The following FIGN variants were observed in gnomAD, a reference collection of about 807,000 sequenced individuals.
FIGN encodes fidgetin, microtubule severing factor, also known as fidgetin.
A neutral mutation model predicts 51.3 loss-of-function variants in FIGN; 11 were observed. The observed-to-expected ratio is 0.21, with a 90% CI of 0.13 to 0.35. The LOEUF is 0.35. FIGN is among the 10% of genes least tolerant of loss of function. The probability of loss-of-function intolerance (pLI) is 1.00; values close to 1 mark genes in which losing one functional copy is unlikely to be tolerated. For synonymous variants in FIGN, 407 were observed against 363.2 expected (o/e 1.12, Z -1.37); for missense variants, 857 against 943.6 (o/e 0.91, Z 1.20).
rs374252654 is a variant in FIGN, at chr2:163,648,280, C to T, written c.26-36474G>A. Among the ~76,000 whole-genome samples the T allele has an allele frequency of 3.9e-4, 59 of 152,166 alleles. 2 individuals carry two copies. In the South Asian group the frequency reaches 0.012, roughly 30 times the overall value. On this transcript the variant is annotated intron_variant, in intron 2 of 2. Transcript: ENST00000333129. ...TGGGTTGCTATTCTTCTGTTTTGGG[C>T]CCCCATCCCAACTCCCAGCCTCACC...
chr2:163,701,679 T>C (rs576162666), intron 2 of FIGN, among the ~76,000 whole-genome samples: 4 of 152,214 alleles, frequency 2.6e-5, no homozygotes, highest in Non-Finnish European at 5.9e-5. Context: ...ATCTGCTTTA[T>C]TGGTGCTTTT....
At chr2:163,658,810 G>T (rs1195196504) in intron 2 of FIGN, among the ~76,000 whole-genome samples, 1 of 152,158 alleles carries the variant, frequency 6.6e-6, no homozygotes, top group Admixed American at 6.5e-5. Context: ...ATTAGGCAGG[G>T]CCAAACAAAC....
At chr2:163,647,323 G>A (rs186177159) in intron 2 of FIGN, among the ~76,000 whole-genome samples, 1 of 152,320 alleles carries the variant, frequency 6.6e-6, no homozygotes, top group Admixed American at 6.5e-5. Flanking sequence ...AGTCCCTTGA[G>A]ATTCATTGTA....
intron 2 of FIGN, among the ~76,000 whole-genome samples, chr2:163,711,385 C>T (rs1268295518): frequency 6.6e-6 from 1 of 151,998 alleles, no homozygotes; most frequent in East Asian, 1.9e-4. Context: ...TGATTAATAC[C>T]TCCCTACGTA....
At position 163,675,817 on chromosome 2, in the gene FIGN, A is replaced by C. The variant is rs552678260; in HGVS notation, c.25+59086T>G. Among the ~76,000 whole-genome samples, 82 of 142,886 alleles carry C rather than the reference A, an allele frequency of 5.7e-4. 1 individual carries two copies. Among genetic ancestry groups the C allele is most frequent in the Middle Eastern group, 3.6e-3 (1 of 276 alleles). 93.7% of individuals were successfully genotyped at this position (142,886 alleles called of 152,430 possible). On this transcript the variant is annotated intron_variant, in intron 2 of 2. Coordinates refer to ENST00000333129, the MANE Select transcript of FIGN (RefSeq NM_018086.4). ...ACAGAAGATGAGTAGGATTCATCAT[A>C]TATAATATATATACATCATATATAA...
chr2:163,612,910 A>G (rs529214238), intron 2 of FIGN, among the ~76,000 whole-genome samples: 1 of 152,224 alleles, frequency 6.6e-6, no homozygotes, highest in African/African-American at 2.4e-5. Context: ...GAGGAGTACA[A>G]GTAGATAATG....
At chr2:163,685,727 A>C (rs938979416) in intron 2 of FIGN, among the ~76,000 whole-genome samples, 1 of 152,234 alleles carries the variant, frequency 6.6e-6, no homozygotes, top group Non-Finnish European at 1.5e-5. Context: ...CTCATCAAAT[A>C]GTTTTTCCTA....
At chr2:163,680,985 T>C (rs936082008) in intron 2 of FIGN, among the ~76,000 whole-genome samples, 13 of 152,198 alleles carry the variant, frequency 8.5e-5, no homozygotes, top group Admixed American at 4.6e-4. Context: ...CTAATAGGAA[T>C]TATATATTCC....
intron 2 of FIGN, among the ~76,000 whole-genome samples, chr2:163,681,583 T>C (rs540096052): frequency 1.9e-4 from 29 of 152,060 alleles, no homozygotes; most frequent in Non-Finnish European, 3.5e-4. Flanking sequence ...CAGAAATACA[T>C]ACAAGGCAAA....
chr2:163,616,944 T>G (rs908992182), intron 2 of FIGN, among the ~76,000 whole-genome samples: 1 of 152,096 alleles, frequency 6.6e-6, no homozygotes, highest in Admixed American at 6.6e-5. Flanking sequence ...GAAAGAAGGA[T>G]TGTACACCTC....
chr2:163,611,348 T>C lies in FIGN; in HGVS notation c.484A>G (p.Ser162Gly). The change falls in exon 3 of 3, where the codon AGT becomes GGT. Residue 162 changes from serine to glycine, a missense_variant. By Grantham distance (56) the Ser-to-Gly change is moderately conservative. Around this residue, in one of 3 missense-constraint regions of FIGN, gnomAD observed 799 missense variants for 849.5 expected, o/e 0.94. Transcript: ENST00000333129. ...CTTCCACAGGTACTACTTGAATAAC[T>C]AGGTTCTGTCAGGTTGCTGGCTACC... Reference protein sequence around the residue: ...PGVASNLTEPSYSSSTCGSHT... With the variant: ...PGVASNLTEPGYSSSTCGSHT... The C allele has an allele frequency of 6.2e-7, 1 of 1,614,106 alleles. No individual in the cohort carries two copies. Among genetic ancestry groups the C allele is most frequent in the Non-Finnish European group, 8.5e-7 (1 of 1,180,020 alleles).
chr2:163,724,678 A>C (rs1044367251), intron 2 of FIGN, among the ~76,000 whole-genome samples: 5 of 152,174 alleles, frequency 3.3e-5, no homozygotes. Flanking sequence ...AGTTTCCAAA[A>C]GAAGCCTTAA....
Position 163,605,907 on chromosome 2 carries a change from T to A in FIGN, c.*3645A>T, listed in dbSNP as rs1691101044. On this transcript the variant is annotated 3_prime_UTR_variant, in exon 3 of 3. Transcript: ENST00000333129. ...TAGGAACTAATTTGGATTTTTTTTTTTTTTGGATGTGTTCTTTTGAAAACT... is the reference window on the plus strand; with the variant it reads ...TAGGAACTAATTTGGATTTTTTTTTATTTTGGATGTGTTCTTTTGAAAACT... 1 of 151,990 alleles carries A rather than the reference T, an allele frequency of 6.6e-6. No individual in the cohort carries two copies. The highest frequency in any genetic ancestry group is 6.6e-5 in the Admixed American group (1 of 15,214). The allele number at this position is 151,990 out of a possible 1,614,324, so 9.4% of individuals were successfully genotyped here. A position where few individuals can be genotyped will look rare whatever the true frequency, so the allele number is the denominator to read the frequency against.
chr2:163,680,592 A>T (rs975192499), intron 2 of FIGN, among the ~76,000 whole-genome samples: 2 of 152,064 alleles, frequency 1.3e-5, no homozygotes, highest in Non-Finnish European at 2.9e-5. Context: ...TAGTGCTTCC[A>T]TCCTTTTGTT....
intron 2 of FIGN, among the ~76,000 whole-genome samples, chr2:163,681,802 G>C (rs1445004404): frequency 6.6e-6 from 1 of 152,144 alleles, no homozygotes; most frequent in East Asian, 1.9e-4. Context: ...TTTTCCTACT[G>C]GCTTATGAAG....
At position 163,726,019 on chromosome 2, in the gene FIGN, G is replaced by T. The variant is rs537445445; in HGVS notation, c.25+8884C>A. Among the ~76,000 whole-genome samples, 10 of 152,084 alleles carry T rather than the reference G, an allele frequency of 6.6e-5. No individual in the cohort carries two copies. The South Asian group carries it at 2.1e-3, about 32-fold the overall frequency. Reference sequence around the variant, plus strand: ...ATTGATATCGATGATTGGTTGATTAGTACTCTTAGAATTATAGGAAACATA... The same window carrying T: ...ATTGATATCGATGATTGGTTGATTATTACTCTTAGAATTATAGGAAACATA... On this transcript the variant is annotated intron_variant, in intron 2 of 2. Coordinates refer to ENST00000333129, the MANE Select transcript of FIGN (RefSeq NM_018086.4).
chr2:163,714,537 G>C (rs1450393565), intron 2 of FIGN, among the ~76,000 whole-genome samples: 1 of 152,136 alleles, frequency 6.6e-6, no homozygotes, highest in Non-Finnish European at 1.5e-5. Flanking sequence ...TAAATGCAAA[G>C]TACTAATTAC....
chr2:163,664,494 C>T (rs932949513), intron 2 of FIGN, among the ~76,000 whole-genome samples: 11 of 152,156 alleles, frequency 7.2e-5, no homozygotes, highest in Non-Finnish European at 7.4e-5. Context: ...GCCATTAGTT[C>T]TTTCCCCGTC....
At chr2:163,639,737 C>T (rs1299226177) in intron 2 of FIGN, among the ~76,000 whole-genome samples, 2 of 152,010 alleles carry the variant, frequency 1.3e-5, no homozygotes, top group East Asian at 1.9e-4. Flanking sequence ...TTTTTTAACA[C>T]GAAATCAATT....
Sources: gnomAD v4.1 joint callset for allele counts (sites outside exome capture counted in the v4.1 genomes callset) on GRCh38, gnomAD v4.1.1 for gene constraint, gnomAD v4.1.1 regional missense constraint, MANE v1.5 for transcripts, NCBI Gene and HGNC (gene_info 2026-07-23, HGNC 2026-07-21) for gene names.